ANKRD28: variants seen among roughly 807,000 people sequenced by gnomAD.
ANKRD28 encodes ankyrin repeat domain 28.
Under a neutral mutation model 126.5 loss-of-function variants are expected in ANKRD28, and 44 were observed. The observed-to-expected ratio is 0.35, with a 90% confidence interval of 0.27 to 0.45. The LOEUF (loss-of-function observed/expected upper bound fraction) is 0.45. Among genes scored for constraint, ANKRD28 ranks in the 20% least tolerant of loss-of-function variants. The pLI, the probability that ANKRD28 is intolerant of heterozygous loss-of-function variation, is 1.00. For missense variants in ANKRD28, 1,110 were observed against 1,316.6 expected, an observed-to-expected ratio of 0.84 and a Z score of 2.43; for synonymous variants, 442 against 468.5, an observed-to-expected ratio of 0.94 and a Z score of 0.73.
chr3:15,841,553 A>G (rs1390961720), intron 1 of ANKRD28, among the ~76,000 whole-genome samples: 5 of 152,222 alleles, frequency 3.3e-5, no homozygotes, highest in Non-Finnish European at 2.9e-5. Flanking sequence ...TCATAACCAG[A>G]GAATATAAGG....
chr3:15,805,426 C>T (rs973340339), intron 1 of ANKRD28, among the ~76,000 whole-genome samples: 3 of 151,852 alleles, frequency 2.0e-5, no homozygotes, highest in Non-Finnish European at 4.4e-5. Context: ...TTAAAATATC[C>T]TAGTCAATCT....
At chr3:15,855,793 A>G (rs184957613) in intron 1 of ANKRD28, among the ~76,000 whole-genome samples, 46 of 152,344 alleles carry the variant, frequency 3.0e-4, no homozygotes, top group African/African-American at 1.1e-3. Flanking sequence ...TGAAAGGTAC[A>G]GCTAATGGGT....
intron 12 of ANKRD28, among the ~76,000 whole-genome samples, chr3:15,709,962 TGTC>T (rs1451668367): frequency 6.6e-6 from 1 of 152,172 alleles, no homozygotes; most frequent in Non-Finnish European, 1.5e-5. Context: ...CGATTCATGT[TGTC>T]ATTGTTTAAA....
chr3:15,737,918 C>T (rs1020523103), intron 4 of ANKRD28, among the ~76,000 whole-genome samples: 3 of 139,650 alleles, frequency 2.1e-5, no homozygotes, highest in Non-Finnish European at 4.7e-5. Context: ...AAAAAAGACA[C>T]AACATAGACA....
At chr3:15,728,850 A>C (rs1427576717) in intron 6 of ANKRD28, among the ~76,000 whole-genome samples, 1 of 152,178 alleles carries the variant, frequency 6.6e-6, no homozygotes, top group Non-Finnish European at 1.5e-5. Flanking sequence ...CACCATTGTA[A>C]CCATGAGGAA....
At chr3:15,790,704 T>C (rs1362231421) in intron 2 of ANKRD28, among the ~76,000 whole-genome samples, 1 of 151,974 alleles carries the variant, frequency 6.6e-6, no homozygotes, top group Non-Finnish European at 1.5e-5. Flanking sequence ...GAGGAAAAAC[T>C]GAAAATCTTT....
exon 1 of ANKRD28, chr3:15,859,452 C>T: frequency 1.3e-6 from 2 of 1,488,952 alleles, no homozygotes; most frequent in Middle Eastern, 1.7e-4. Flanking sequence ...CCGCCGCTGC[C>T]GCTGCCGCCG....
chr3:15,688,332 C>T (rs1024384504), intron 18 of ANKRD28, among the ~76,000 whole-genome samples: 2 of 152,132 alleles, frequency 1.3e-5, no homozygotes, highest in African/African-American at 4.8e-5. Context: ...CATCATGTTG[C>T]CTAGAGTGCA....
intron 1 of ANKRD28, among the ~76,000 whole-genome samples, chr3:15,850,733 T>C (rs73817146): frequency 6.6e-6 from 1 of 152,198 alleles, no homozygotes; most frequent in South Asian, 2.1e-4. Context: ...TCCATCTCTA[T>C]CCTTTTGTAA....
chr3:15,783,045 T>C (rs957488367), intron 2 of ANKRD28, among the ~76,000 whole-genome samples: 3 of 151,864 alleles, frequency 2.0e-5, no homozygotes, highest in Admixed American at 6.6e-5. Flanking sequence ...TTTTTTAAGA[T>C]ACAACACCAA....
Position 15,816,675 on chromosome 3 carries a change from T to C in ANKRD28, c.28-21369A>G, listed in dbSNP as rs2060837661. ...CTAACTAACAAACATTTAAGTTACA[T>C]GAAACTGAAAAATGTATAAGAGCAT... On this transcript the variant is annotated intron_variant, in intron 1 of 27. Coordinates refer to the ANKRD28 transcript ENST00000399451. This position sits in a 1 kb window ranked among gnomAD's most constrained non-coding sequence, Gnocchi z 5.0. Among the ~76,000 whole-genome samples, 1 of 152,196 alleles carries C rather than the reference T, an allele frequency of 6.6e-6. No homozygotes were observed. The highest frequency in any genetic ancestry group is 1.5e-5 in the Non-Finnish European group (1 of 68,028).
chr3:15,811,767 T>A (rs963610768), intron 1 of ANKRD28, among the ~76,000 whole-genome samples: 5 of 152,240 alleles, frequency 3.3e-5, no homozygotes, highest in East Asian at 1.9e-4. Context: ...ACAATTTTTT[T>A]AAAACCTTTA....
chr3:15,826,365 A>AT (rs1202719601), intron 1 of ANKRD28, among the ~76,000 whole-genome samples: 1 of 152,222 alleles, frequency 6.6e-6, no homozygotes, highest in Admixed American at 6.5e-5. Context: ...ATTACAACAA[A>AT]TGTATTATCA....
rs1216738528 is a variant in ANKRD28, at chr3:15,833,003, TA to T, written c.27+26373del. 6.6e-6 allele frequency among the ~76,000 whole-genome samples: 1 copy of T among 152,230 alleles called. No homozygotes were observed. The highest frequency in any genetic ancestry group is 1.5e-5 in the Non-Finnish European group (1 of 68,034). ...TTTTTAGTTCTTTGAGAAATCTCCA[TA>T]CTATTTTCCATAAGGATTTTACTAA... On this transcript the variant is annotated intron_variant, in intron 1 of 27. Coordinates refer to the ANKRD28 transcript ENST00000399451. This position sits in a 1 kb window ranked among gnomAD's most constrained non-coding sequence, Gnocchi z 4.4.
At chr3:15,700,591 T>C (rs1476390933) in intron 14 of ANKRD28, among the ~76,000 whole-genome samples, 6 of 151,926 alleles carry the variant, frequency 3.9e-5, no homozygotes, top group African/African-American at 1.2e-4. Flanking sequence ...CTGGCCAACA[T>C]GGTGAAATCT....
intron 1 of ANKRD28, among the ~76,000 whole-genome samples, chr3:15,827,439 G>C (rs949294554): frequency 4.6e-5 from 7 of 152,168 alleles, no homozygotes; most frequent in Non-Finnish European, 1.0e-4. Context: ...TAAAGGAGGA[G>C]GAAGTCCTGT....
At chr3:15,742,896 C>T (rs1033195719) in intron 4 of ANKRD28, among the ~76,000 whole-genome samples, 9 of 149,210 alleles carry the variant, frequency 6.0e-5, no homozygotes, top group African/African-American at 9.9e-5. Context: ...TCATTGAGAA[C>T]GGGCCATGAT....
chr3:15,725,552 C>T (rs1035961043), intron 6 of ANKRD28, among the ~76,000 whole-genome samples: 1 of 151,442 alleles, frequency 6.6e-6, no homozygotes, highest in Non-Finnish European at 1.5e-5. Context: ...TGTGGCAACC[C>T]GGTGTCAAGC....
At chr3:15,780,436 A>T (rs187821587) in intron 2 of ANKRD28, among the ~76,000 whole-genome samples, 1 of 152,330 alleles carries the variant, frequency 6.6e-6, no homozygotes, top group Admixed American at 6.5e-5. Flanking sequence ...CAAATAAATG[A>T]GAAGATATAC....
Sources: allele counts gnomAD v4.1 joint callset (sites outside exome capture counted in the v4.1 genomes callset), GRCh38; gene constraint gnomAD v4.1.1; non-coding constraint Gnocchi (gnomAD v3.1); transcripts MANE v1.5; gene names NCBI Gene and HGNC (gene_info 2026-07-23, HGNC 2026-07-21).